TCF12: variants seen among roughly 807,000 people sequenced by gnomAD.
TCF12 encodes the protein transcription factor 12.
In TCF12, 45 loss-of-function variants were observed where a neutral mutation model predicts 86.0. The ratio of observed to expected loss-of-function variants is 0.52; its 90% CI spans 0.41 to 0.67. The LOEUF is 0.67. Ranked by LOEUF, TCF12 falls within the 30% of genes least tolerant of loss-of-function variation. The pLI is 0.00. For synonymous variants in TCF12, 330 were observed against 299.6 expected, an observed-to-expected ratio of 1.10 and a Z score of -1.05; for missense variants, 881 against 859.9, an observed-to-expected ratio of 1.02 and a Z score of -0.31.
chr15:57,150,179 G>A (rs1714319116), intron 5 of TCF12, among the ~76,000 whole-genome samples: 1 of 152,164 alleles, frequency 6.6e-6, no homozygotes, highest in South Asian at 2.1e-4. Flanking sequence ...AGGATTTATA[G>A]GGTAAAAAGG....
chr15:56,918,363 G>C (rs1483236409), upstream of TCF12: 5 of 410,216 alleles, frequency 1.2e-5, no homozygotes, highest in Non-Finnish European at 2.5e-5. Flanking sequence ...CACGGTACCT[G>C]CCACCCCGCT....
At chr15:57,256,708 T>C (rs1386982132) in intron 16 of TCF12, among the ~76,000 whole-genome samples, 1 of 152,204 alleles carries the variant, frequency 6.6e-6, no homozygotes, top group African/African-American at 2.4e-5. Flanking sequence ...AAATACTTGT[T>C]GATCAGCAAT....
chr15:57,133,091 C>T (rs1435500202), intron 5 of TCF12, among the ~76,000 whole-genome samples: 1 of 152,204 alleles, frequency 6.6e-6, no homozygotes, highest in Non-Finnish European at 1.5e-5. Context: ...TTACCAACTA[C>T]CATTTTTACT....
intron 3 of TCF12, among the ~76,000 whole-genome samples, chr15:57,011,856 C>T (rs1317653059): frequency 5.9e-5 from 9 of 152,122 alleles, no homozygotes; most frequent in African/African-American, 1.9e-4. Context: ...TTTATGATTT[C>T]AAGGGCTTGT....
intron 4 of TCF12, among the ~76,000 whole-genome samples, chr15:57,084,785 A>G (rs994756619): frequency 5.9e-5 from 9 of 152,060 alleles, no homozygotes; most frequent in Non-Finnish European, 1.0e-4. Context: ...TTAATTGTAT[A>G]TTATAAATGT....
At chr15:57,219,266 A>G in intron 8 of TCF12, 1 of 1,180,386 alleles carries the variant, frequency 8.5e-7, no homozygotes, top group Non-Finnish European at 1.0e-6. Flanking sequence ...CATTTTTTTA[A>G]TACCTCAAAT....
intron 3 of TCF12, among the ~76,000 whole-genome samples, chr15:56,971,093 A>C (rs1326903802): frequency 6.6e-6 from 1 of 152,094 alleles, no homozygotes; most frequent in African/African-American, 2.4e-5. Context: ...TTTATCACAG[A>C]AATAAGGGCT....
intron 6 of TCF12, among the ~76,000 whole-genome samples, chr15:57,170,849 C>A (rs2055437363): frequency 8.2e-6 from 1 of 121,696 alleles, no homozygotes; most frequent in Non-Finnish European, 1.6e-5. Flanking sequence ...ACTGTGTTGC[C>A]CAGGCTGGTC....
chr15:56,919,246 A>C (rs1282263568), intron 1 of TCF12: 1 of 152,174 alleles, frequency 6.6e-6, no homozygotes, highest in Non-Finnish European at 1.5e-5. Flanking sequence ...GCAGGGCAGC[A>C]AAAGTGGGAG....
chr15:56,990,241 CTG>C (rs1298995605), intron 3 of TCF12, among the ~76,000 whole-genome samples: 2 of 122,868 alleles, frequency 1.6e-5, no homozygotes, highest in East Asian at 2.4e-4. Flanking sequence ...GTGTGTGTGT[CTG>C]TGTGTGCGTG....
intron 5 of TCF12, among the ~76,000 whole-genome samples, chr15:57,128,431 T>A (rs17819928): frequency 0.039 from 6,016 of 152,310 alleles, 178 homozygotes; most frequent in Non-Finnish European, 0.059. Flanking sequence ...TAACACTATG[T>A]GAGAAGTTTG....
At chr15:57,135,011 T>C (rs182661450) in intron 5 of TCF12, among the ~76,000 whole-genome samples, 14 of 152,288 alleles carry the variant, frequency 9.2e-5, no homozygotes, top group African/African-American at 2.9e-4. Flanking sequence ...TATGTCAGTT[T>C]TTTGGATGAC....
chr15:57,008,411 T>G (rs1205695702), intron 3 of TCF12, among the ~76,000 whole-genome samples: 2 of 151,946 alleles, frequency 1.3e-5, no homozygotes, highest in African/African-American at 4.8e-5. Flanking sequence ...GGTTTTGCTC[T>G]GTTACCCATG....
intron 3 of TCF12, among the ~76,000 whole-genome samples, chr15:57,056,220 A>G (rs2068016799): frequency 6.6e-6 from 1 of 150,672 alleles, no homozygotes; most frequent in Non-Finnish European, 1.5e-5. Flanking sequence ...AGCTCACTGT[A>G]ACCTCTGCCT....
At position 57,225,023 on chromosome 15, in the gene TCF12, A is replaced by G. The variant is rs146411551; in HGVS notation, c.580-6129A>G. 3.2e-3 allele frequency among the ~76,000 whole-genome samples: 482 copies of G among 152,198 alleles called. 2 individuals carry two copies. The highest frequency in any genetic ancestry group is 0.011 in the African/African-American group (467 of 41,528). ...CTGAAAGCATTGAGATATTTATCAA[A>G]TCTGTCATTTGTTGAAATATTCTTA... On this transcript the variant is annotated intron_variant, in intron 8 of 20. Coordinates refer to ENST00000333725, the MANE Select transcript of TCF12 (RefSeq NM_207037.2).
chr15:56,932,049 A>G (rs1451240689), intron 3 of TCF12, among the ~76,000 whole-genome samples: 1 of 152,174 alleles, frequency 6.6e-6, no homozygotes, highest in East Asian at 1.9e-4. Flanking sequence ...CCTCTTCTCA[A>G]GCTTAGGAAC....
intron 3 of TCF12, among the ~76,000 whole-genome samples, chr15:57,062,817 G>A (rs1567343890): frequency 6.6e-6 from 1 of 152,128 alleles, no homozygotes; most frequent in Non-Finnish European, 1.5e-5. Context: ...AAGAATGAAA[G>A]AAAGAAGTCA....
intron 20 of TCF12, among the ~76,000 whole-genome samples, 173 bp from the exon 21 acceptor site, chr15:57,285,984 C>A (rs1216083941): frequency 6.6e-6 from 1 of 152,072 alleles, no homozygotes; most frequent in African/African-American, 2.4e-5. Context: ...TTTCAGTATA[C>A]CTTAAAAGGA....
chr15:57,132,761 T>C (rs180772283), intron 5 of TCF12, among the ~76,000 whole-genome samples: 1 of 152,228 alleles, frequency 6.6e-6, no homozygotes, highest in Non-Finnish European at 1.5e-5. Context: ...TTCATAATAC[T>C]AAGTTATCCA....
Sources: allele counts gnomAD v4.1 joint callset (sites outside exome capture counted in the v4.1 genomes callset), GRCh38; gene constraint gnomAD v4.1.1; transcripts MANE v1.5; gene names NCBI Gene and HGNC (gene_info 2026-07-23, HGNC 2026-07-21).